The following CTNNA2 variants were observed in gnomAD, a reference collection of about 807,000 sequenced individuals.
CTNNA2 encodes catenin alpha 2.
In CTNNA2, 42 loss-of-function variants were observed where a neutral mutation model predicts 101.0. That is an observed-to-expected ratio of 0.42 (90% CI 0.32 to 0.54). CTNNA2 has a LOEUF of 0.54. Ranked by LOEUF, CTNNA2 falls within the 20% of genes least tolerant of loss-of-function variation. The probability of loss-of-function intolerance (pLI) is 0.14; values close to 1 mark genes in which losing one functional copy is unlikely to be tolerated. For missense variants in CTNNA2, 871 were observed against 1,223.1 expected, an observed-to-expected ratio of 0.71 and a Z score of 4.29; for synonymous variants, 450 against 456.4, an observed-to-expected ratio of 0.99 and a Z score of 0.18.
chr2:80,094,815 T>A (rs1050490744), intron 7 of CTNNA2, among the ~76,000 whole-genome samples: 1 of 151,724 alleles, frequency 6.6e-6, no homozygotes, highest in Non-Finnish European at 1.5e-5. Flanking sequence ...TTTGTCTGTT[T>A]TTGGTGTATA....
chr2:80,510,813 G>A (rs1688647516), intron 9 of CTNNA2, among the ~76,000 whole-genome samples: 1 of 152,156 alleles, frequency 6.6e-6, no homozygotes, highest in African/African-American at 2.4e-5. Context: ...GGAATAGACT[G>A]ACTTCTGCTA....
chr2:79,288,258 A>G (rs1675679228), intron 2 of CTNNA2, among the ~76,000 whole-genome samples: 1 of 152,224 alleles, frequency 6.6e-6, no homozygotes, highest in Non-Finnish European at 1.5e-5. Flanking sequence ...CTATTCGGCC[A>G]TCTTGGCTCC....
chr2:80,441,178 C>G (rs181361217), intron 9 of CTNNA2, among the ~76,000 whole-genome samples: 10 of 152,234 alleles, frequency 6.6e-5, no homozygotes, highest in Admixed American at 3.9e-4. Flanking sequence ...GGAGAAAGAG[C>G]CAGGATATTT....
chr2:80,114,237 T>C (rs1701385523), intron 7 of CTNNA2, among the ~76,000 whole-genome samples: 1 of 152,226 alleles, frequency 6.6e-6, no homozygotes, highest in African/African-American at 2.4e-5. Flanking sequence ...TACCCTCTTT[T>C]ATGCAATAGG....
At chr2:79,383,711 A>G (rs539708253) in intron 4 of CTNNA2, among the ~76,000 whole-genome samples, 94 of 152,328 alleles carry the variant, frequency 6.2e-4, no homozygotes, top group African/African-American at 2.1e-3. Flanking sequence ...AAGCAGCCAT[A>G]GCAGCATCAT....
At chr2:79,229,456 A>G (rs1674462412) in intron 2 of CTNNA2, among the ~76,000 whole-genome samples, 1 of 152,128 alleles carries the variant, frequency 6.6e-6, no homozygotes, top group Admixed American at 6.6e-5. Flanking sequence ...TCTTGCTGCC[A>G]CCATATAAGA....
intron 12 of CTNNA2, among the ~76,000 whole-genome samples, chr2:80,558,185 A>G (rs778758376): frequency 3.3e-5 from 5 of 152,234 alleles, no homozygotes; most frequent in Admixed American, 1.3e-4. Context: ...TCAGTGGACT[A>G]AGAGCTAGAA....
intron 9 of CTNNA2, among the ~76,000 whole-genome samples, chr2:80,521,610 G>T (rs1220381642): frequency 6.6e-6 from 1 of 152,158 alleles, no homozygotes; most frequent in African/African-American, 2.4e-5. Context: ...AGGAGAGAAA[G>T]ACTTCACTAG....
chr2:79,920,897 A>G (rs1049258170), intron 7 of CTNNA2, among the ~76,000 whole-genome samples: 1 of 152,206 alleles, frequency 6.6e-6, no homozygotes, highest in African/African-American at 2.4e-5. Flanking sequence ...TTCTGTCGCT[A>G]CAGAGTGACC....
intron 1 of CTNNA2, among the ~76,000 whole-genome samples, chr2:79,553,508 A>G (rs1674246172): frequency 6.6e-6 from 1 of 152,192 alleles, no homozygotes; most frequent in African/African-American, 2.4e-5. Flanking sequence ...ATTTATAAAG[A>G]AAAAAGGTTT....
intron 3 of CTNNA2, among the ~76,000 whole-genome samples, chr2:79,798,674 A>G (rs1403006981): frequency 6.6e-6 from 1 of 152,024 alleles, no homozygotes; most frequent in Non-Finnish European, 1.5e-5. Flanking sequence ...AGATGACTCA[A>G]AAGAAATCTT....
At chr2:80,312,060 TA>T (rs541797164) in intron 7 of CTNNA2, among the ~76,000 whole-genome samples, 53 of 152,360 alleles carry the variant, frequency 3.5e-4, no homozygotes, top group Non-Finnish European at 6.9e-4. Flanking sequence ...ATCCTAGCCA[TA>T]AATAAAGGAA....
chr2:79,404,477 A>T (rs1406213481), intron 4 of CTNNA2, among the ~76,000 whole-genome samples: 1 of 152,054 alleles, frequency 6.6e-6, no homozygotes, highest in Non-Finnish European at 1.5e-5. Context: ...TATATATACA[A>T]ATTTCATGCA....
intron 7 of CTNNA2, among the ~76,000 whole-genome samples, chr2:80,256,406 G>C (rs1006372003): frequency 3.9e-5 from 6 of 152,060 alleles, no homozygotes; most frequent in African/African-American, 1.4e-4. Flanking sequence ...GACAGCTGCG[G>C]CACATCTGAA....
rs1257795296 is a variant in CTNNA2 at position 80,055,722 on chromosome 2, G to T, written c.1056+145925G>T. ...GCCAGTCTTAACCACTCATCAGCTT[G>T]GTCCTCTGCTCTCACCTGCATTTGA... On this transcript the variant is annotated intron_variant, in intron 7 of 18. Transcript: ENST00000402739. 2.6e-5 allele frequency among the ~76,000 whole-genome samples: 4 copies of T among 152,070 alleles called. No individual in the cohort carries two copies. In the East Asian group the frequency reaches 7.7e-4, roughly 29 times the overall value.
At chr2:79,252,500 G>A (rs751456267) in intron 2 of CTNNA2, among the ~76,000 whole-genome samples, 1 of 152,062 alleles carries the variant, frequency 6.6e-6, no homozygotes, top group Non-Finnish European at 1.5e-5. Flanking sequence ...AATGTACAAT[G>A]TATAGGTATA....
chr2:80,154,007 A>G (rs970266976), intron 7 of CTNNA2, among the ~76,000 whole-genome samples: 3 of 152,206 alleles, frequency 2.0e-5, no homozygotes, highest in Non-Finnish European at 4.4e-5. Flanking sequence ...CAAGGAGAAA[A>G]TACTAGTGTC....
intron 2 of CTNNA2, among the ~76,000 whole-genome samples, chr2:79,302,089 TC>T (rs1409532446): frequency 4.0e-5 from 6 of 151,840 alleles, no homozygotes; most frequent in Non-Finnish European, 8.8e-5. Context: ...AGAGACTCTG[TC>T]TCAATAAACA....
intron 7 of CTNNA2, among the ~76,000 whole-genome samples, chr2:80,051,770 G>T (rs1253110553): frequency 4.6e-5 from 7 of 152,034 alleles, no homozygotes; most frequent in Admixed American, 4.6e-4. Flanking sequence ...AAAGACAATG[G>T]CTGCATTTCA....
Sources: allele counts gnomAD v4.1 joint callset (sites outside exome capture counted in the v4.1 genomes callset), GRCh38; gene constraint gnomAD v4.1.1; transcripts MANE v1.5; gene names NCBI Gene and HGNC (gene_info 2026-07-23, HGNC 2026-07-21).